PRKG1: variants seen among roughly 807,000 people sequenced by gnomAD.
The protein encoded by PRKG1 is protein kinase cGMP-dependent 1, also known as cGMP-dependent protein kinase 1.
Under a neutral mutation model 88.1 loss-of-function variants are expected in PRKG1, and 35 were observed. The observed-to-expected ratio is 0.40, with a 90% CI of 0.30 to 0.53. The LOEUF (loss-of-function observed/expected upper bound fraction) is 0.53. Ranked by LOEUF, PRKG1 falls within the 20% of genes least tolerant of loss-of-function variation. PRKG1 has a pLI of 0.59. For synonymous variants in PRKG1, 303 were observed against 292.5 expected (o/e 1.04, Z -0.37); for missense variants, 540 against 839.8 (o/e 0.64, Z 4.41).
chr10:51,316,685 A>AAAATT (rs1841329479), intron 2 of PRKG1, among the ~76,000 whole-genome samples: 1 of 150,896 alleles, frequency 6.6e-6, no homozygotes, highest in Non-Finnish European at 1.5e-5. Flanking sequence ...TCCGTCTCAA[A>AAAATT]AAATAAATAA....
chr10:51,731,332 T>A lies in PRKG1; in HGVS notation c.593-73253T>A, dbSNP rs1030722044. Among the ~76,000 whole-genome samples, 14 of 152,282 alleles carry A rather than the reference T, an allele frequency of 9.2e-5. No homozygotes were observed. In the East Asian group the frequency reaches 2.7e-3, roughly 29 times the overall value. ...TTTATTGAAAGTGTTTAAAAAATGA[T>A]CTGGATTAGATGGTAGCCCGTTAAT... is the stretch of plus-strand genomic sequence containing the variant. On this transcript the variant is annotated intron_variant, in intron 3 of 17. Transcript: ENST00000373980.
intron 6 of PRKG1, among the ~76,000 whole-genome samples, chr10:52,057,255 G>A (rs1846132959): frequency 6.6e-6 from 1 of 152,144 alleles, no homozygotes; most frequent in South Asian, 2.1e-4. Flanking sequence ...TTCACACAAA[G>A]AGAGAAGCAT....
intron 5 of PRKG1, among the ~76,000 whole-genome samples, chr10:52,044,445 G>C (rs1442902684): frequency 6.6e-6 from 1 of 152,038 alleles, no homozygotes; most frequent in Non-Finnish European, 1.5e-5. Context: ...TTTTAAAAAC[G>C]ACAGAACTCC....
intron 4 of PRKG1, among the ~76,000 whole-genome samples, chr10:51,832,918 G>A (rs1840039020): frequency 6.6e-6 from 1 of 152,096 alleles, no homozygotes; most frequent in African/African-American, 2.4e-5. Flanking sequence ...TAATGCTCTA[G>A]TTATGGAAAC....
At chr10:50,993,522 C>A (rs1318439674) in intron 1 of PRKG1, among the ~76,000 whole-genome samples, 1 of 152,222 alleles carries the variant, frequency 6.6e-6, no homozygotes, top group Non-Finnish European at 1.5e-5. Flanking sequence ...CTGCCCTGCC[C>A]TGCGCTCAGC....
At chr10:51,005,392 C>A (rs1842930862) in intron 1 of PRKG1, among the ~76,000 whole-genome samples, 1 of 152,132 alleles carries the variant, frequency 6.6e-6, no homozygotes, top group South Asian at 2.1e-4. Context: ...TAGAAGATAT[C>A]TTTGTTCGTC....
intron 2 of PRKG1, among the ~76,000 whole-genome samples, chr10:51,377,574 G>C (rs1299391877): frequency 1.3e-5 from 2 of 151,820 alleles, no homozygotes; most frequent in African/African-American, 4.8e-5. Context: ...GGTCATATCT[G>C]GTTATGTGTG....
chr10:51,214,994 C>A (rs1004006109), intron 2 of PRKG1, among the ~76,000 whole-genome samples: 1 of 152,156 alleles, frequency 6.6e-6, no homozygotes, highest in African/African-American at 2.4e-5. Context: ...GTGACCTTGT[C>A]ACTTCTACCC....
intron 3 of PRKG1, among the ~76,000 whole-genome samples, chr10:51,602,852 T>C (rs1838653345): frequency 6.6e-6 from 1 of 151,780 alleles, no homozygotes; most frequent in South Asian, 2.1e-4. Context: ...ATATTTATAA[T>C]CATATGTATT....
At chr10:51,627,935 TTCCTTC>T (rs1564579566) in intron 3 of PRKG1, among the ~76,000 whole-genome samples, 606 of 25,656 alleles carry the variant, frequency 0.024, 18 homozygotes, top group South Asian at 0.05. Context: ...CCTTTCTTCC[TTCCTTC>T]CTTTCTTTCT....
At chr10:52,012,745 A>T (rs1230215480) in intron 5 of PRKG1, among the ~76,000 whole-genome samples, 4 of 152,184 alleles carry the variant, frequency 2.6e-5, no homozygotes, top group African/African-American at 9.7e-5. Context: ...AGGTATAATT[A>T]GTAATAATAA....
intron 9 of PRKG1, among the ~76,000 whole-genome samples, chr10:52,168,554 A>G (rs1017515670): frequency 2.6e-5 from 4 of 152,222 alleles, no homozygotes; most frequent in African/African-American, 9.6e-5. Context: ...CAGACTTCCA[A>G]GCTGGCAAAT....
chr10:51,878,250 A>ATG (rs57901574), intron 4 of PRKG1, among the ~76,000 whole-genome samples: 81 of 150,960 alleles, frequency 5.4e-4, no homozygotes, highest in East Asian at 1.8e-3. Flanking sequence ...GTGTGAATAT[A>ATG]TGTGTGTGTG....
Position 51,515,007 on chromosome 10 carries a change from T to C in PRKG1, c.592+47171T>C, listed in dbSNP as rs180921843. On this transcript the variant is annotated intron_variant, in intron 3 of 17. Coordinates refer to ENST00000373980, the MANE Select transcript of PRKG1 (RefSeq NM_006258.4). ...ACCCAACAGATGTCAGTAGTATCCT[T>C]CCCCCAGTTGTGACAAGTAAAGTTG... 2.3e-3 allele frequency among the ~76,000 whole-genome samples: 355 copies of C among 152,148 alleles called. 4 individuals carry two copies. Among genetic ancestry groups the C allele is most frequent in the Non-Finnish European group, 1.8e-3 (123 of 68,018 alleles).
intron 3 of PRKG1, among the ~76,000 whole-genome samples, chr10:51,672,700 T>A (rs1278241529): frequency 6.6e-6 from 1 of 152,182 alleles, no homozygotes; most frequent in African/African-American, 2.4e-5. Context: ...AAAATACATG[T>A]TTACATGACC....
chr10:51,599,638 A>G (rs1328701651), intron 3 of PRKG1, among the ~76,000 whole-genome samples: 1 of 152,202 alleles, frequency 6.6e-6, no homozygotes, highest in Non-Finnish European at 1.5e-5. Flanking sequence ...CTAATGGAAC[A>G]GAATACCAGT....
intron 2 of PRKG1, among the ~76,000 whole-genome samples, chr10:51,438,232 A>G (rs1025980564): frequency 2.0e-5 from 3 of 151,912 alleles, no homozygotes; most frequent in Admixed American, 1.3e-4. Flanking sequence ...CGGAATTCCC[A>G]TATACCCACA....
intron 2 of PRKG1, among the ~76,000 whole-genome samples, chr10:51,255,889 T>C (rs1020419868): frequency 6.6e-6 from 1 of 152,054 alleles, no homozygotes; most frequent in African/African-American, 2.4e-5. Context: ...GAGACATACA[T>C]GTTCTGTAGA....
intron 3 of PRKG1, among the ~76,000 whole-genome samples, chr10:51,509,429 A>G (rs1274567222): frequency 6.6e-6 from 1 of 152,248 alleles, no homozygotes; most frequent in Non-Finnish European, 1.5e-5. Flanking sequence ...TCTACAAATT[A>G]AGCTTTGTGT....
Sources: gnomAD v4.1 joint callset for allele counts (sites outside exome capture counted in the v4.1 genomes callset) on GRCh38, gnomAD v4.1.1 for gene constraint, MANE v1.5 for transcripts, NCBI Gene and HGNC (gene_info 2026-07-23, HGNC 2026-07-21) for gene names.